Variants in RIT2 observed in about 807,000 individuals in gnomAD.
RIT2 encodes the protein Ras like without CAAX 2.
RIT2 carries 24 observed loss-of-function variants against 23.7 expected under a neutral mutation model. That is an observed-to-expected ratio of 1.01 (90% CI 0.73 to 1.43). The LOEUF is 1.43. RIT2 is among the 40% of genes most tolerant of loss of function. The probability of loss-of-function intolerance (pLI) is 0.00; values close to 1 mark genes in which losing one functional copy is unlikely to be tolerated. For synonymous variants in RIT2, 107 were observed against 91.1 expected (o/e 1.17, Z -0.99); for missense variants, 236 against 266.9 (o/e 0.88, Z 0.81).
chr18:42,939,435 C>T (rs940431190), intron 3 of RIT2, among the ~76,000 whole-genome samples: 7 of 152,134 alleles, frequency 4.6e-5, no homozygotes, highest in African/African-American at 1.7e-4. Context: ...ACTTTAGCAA[C>T]TATAAATATT....
chr18:43,003,171 T>G (rs1292625417), intron 2 of RIT2, among the ~76,000 whole-genome samples: 1 of 151,960 alleles, frequency 6.6e-6, no homozygotes, highest in Non-Finnish European at 1.5e-5. Flanking sequence ...TGTATAACAT[T>G]AAATATGCAT....
At chr18:42,816,305 C>G (rs1179170736) in intron 4 of RIT2, among the ~76,000 whole-genome samples, 1 of 152,130 alleles carries the variant, frequency 6.6e-6, no homozygotes, top group Non-Finnish European at 1.5e-5. Context: ...CAGTGGGAGC[C>G]AACTCTAACA....
At chr18:42,799,950 A>C (rs920223583) in intron 4 of RIT2, among the ~76,000 whole-genome samples, 5 of 151,952 alleles carry the variant, frequency 3.3e-5, no homozygotes, top group African/African-American at 1.2e-4. Context: ...TATAATTGGA[A>C]TTTAAATAAT....
At chr18:42,790,346 T>G (rs1198283488) in intron 4 of RIT2, among the ~76,000 whole-genome samples, 1 of 152,232 alleles carries the variant, frequency 6.6e-6, no homozygotes, top group Non-Finnish European at 1.5e-5. Flanking sequence ...TAGACACATG[T>G]ACCTCCTGCC....
intron 2 of RIT2, among the ~76,000 whole-genome samples, chr18:43,029,667 T>C (rs1012380533): frequency 1.3e-5 from 2 of 152,044 alleles, no homozygotes; most frequent in Non-Finnish European, 2.9e-5. Flanking sequence ...AGGAATTCTT[T>C]CCTATCATTG....
intron 4 of RIT2, among the ~76,000 whole-genome samples, chr18:42,806,393 C>T (rs931533879): frequency 1.1e-4 from 17 of 151,692 alleles, no homozygotes; most frequent in Admixed American, 3.3e-4. Flanking sequence ...CACTTGAATC[C>T]GGGAGGCAGA....
At position 42,806,498 on chromosome 18, in the gene RIT2, T is replaced by C. The variant is rs567371743; in HGVS notation, c.427-62778A>G. Among the ~76,000 whole-genome samples the C allele has an allele frequency of 2.6e-5, 4 of 152,210 alleles. No homozygotes were observed. In the South Asian group the frequency reaches 8.3e-4, roughly 32 times the overall value. On this transcript the variant is annotated intron_variant, in intron 4 of 4. Transcript: ENST00000326695. The stretch of plus-strand genomic sequence containing the variant: ...AAAAAGAGAAGAAAAAAAGAATTTA[T>C]TTTTACTTTTATTTTTTTCAGGCCT...
chr18:43,114,674 T>G (rs1292415515), intron 1 of RIT2, among the ~76,000 whole-genome samples: 1 of 152,188 alleles, frequency 6.6e-6, no homozygotes, highest in Non-Finnish European at 1.5e-5. Flanking sequence ...TTTTTTAATT[T>G]TTTTATATTT....
chr18:42,828,467 T>G (rs1347036969), intron 4 of RIT2, among the ~76,000 whole-genome samples: 2 of 152,258 alleles, frequency 1.3e-5, no homozygotes, highest in African/African-American at 4.8e-5. Context: ...AAGGCTATTA[T>G]TTAGTGATAA....
chr18:43,064,582 T>C (rs891431124), intron 1 of RIT2, among the ~76,000 whole-genome samples: 7 of 152,142 alleles, frequency 4.6e-5, no homozygotes, highest in Non-Finnish European at 7.4e-5. Context: ...GCTAGAGCAA[T>C]ATGATTTCTT....
intron 4 of RIT2, among the ~76,000 whole-genome samples, chr18:42,873,486 C>T (rs1403794472): frequency 6.6e-6 from 1 of 152,022 alleles, no homozygotes; most frequent in African/African-American, 2.4e-5. Flanking sequence ...ACACAGAAGA[C>T]ACATCTAGGA....
At chr18:43,077,473 A>G (rs1913053218) in intron 1 of RIT2, among the ~76,000 whole-genome samples, 1 of 152,120 alleles carries the variant, frequency 6.6e-6, no homozygotes, top group African/African-American at 2.4e-5. Context: ...TTCCAAGGAA[A>G]AACATCTTCA....
At chr18:43,056,516 C>G (rs1468218760) in intron 1 of RIT2, among the ~76,000 whole-genome samples, 1 of 152,124 alleles carries the variant, frequency 6.6e-6, no homozygotes, top group Non-Finnish European at 1.5e-5. Flanking sequence ...GAAATTCTAT[C>G]ACCCATCATA....
chr18:42,984,949 G>T (rs189498503), intron 2 of RIT2, among the ~76,000 whole-genome samples: 1 of 151,960 alleles, frequency 6.6e-6, no homozygotes, highest in African/African-American at 2.4e-5. Flanking sequence ...CAAGAAAAAT[G>T]ATTGATGTGA....
At position 42,953,376 on chromosome 18, in the gene RIT2, G is replaced by A. The variant is rs531077669; in HGVS notation, c.234+20698C>T. Among the ~76,000 whole-genome samples, 31 of 152,190 alleles carry A rather than the reference G, an allele frequency of 2.0e-4. No homozygotes were observed. In the South Asian group the frequency reaches 4.6e-3, roughly 22 times the overall value. On this transcript the variant is annotated intron_variant, in intron 3 of 4. Transcript: ENST00000326695. ...TGATTAGAAAGGAAAGATACTTGAT[G>A]GAAAAAATGAGCCATCTCAGTGGCA...
intron 3 of RIT2, among the ~76,000 whole-genome samples, chr18:42,940,871 A>T (rs1255926765): frequency 6.6e-6 from 1 of 152,216 alleles, no homozygotes; most frequent in African/African-American, 2.4e-5. Flanking sequence ...AAGTTTTCTA[A>T]CTCTTACAGC....
At chr18:43,053,534 GGAACTA>G (rs1912432382) in intron 1 of RIT2, among the ~76,000 whole-genome samples, 2 of 152,054 alleles carry the variant, frequency 1.3e-5, no homozygotes, top group South Asian at 4.2e-4. Context: ...GGCACATAAA[GGAACTA>G]GATAAATATT....
intron 1 of RIT2, among the ~76,000 whole-genome samples, chr18:43,092,313 A>G (rs762502845): frequency 3.9e-5 from 6 of 152,134 alleles, no homozygotes; most frequent in Non-Finnish European, 7.4e-5. Context: ...GCAATAGCCA[A>G]AATCAAAGAT....
At chr18:42,768,820 A>G (rs980480787) in intron 4 of RIT2, among the ~76,000 whole-genome samples, 3 of 152,112 alleles carry the variant, frequency 2.0e-5, no homozygotes, top group East Asian at 1.9e-4. Context: ...TCAATGATAG[A>G]TATTTATCAC....
Sources: allele counts gnomAD v4.1 joint callset (sites outside exome capture counted in the v4.1 genomes callset), GRCh38; gene constraint gnomAD v4.1.1; transcripts MANE v1.5; gene names NCBI Gene and HGNC (gene_info 2026-07-23, HGNC 2026-07-21).